Variants in ZNF835 observed in about 807,000 individuals in gnomAD.
ZNF835 encodes the protein zinc finger protein 835.
For missense variants in ZNF835, 783 were observed against 758.4 expected, an observed-to-expected ratio of 1.03 and a Z score of -0.38; for synonymous variants, 323 against 324.7, an observed-to-expected ratio of 0.99 and a Z score of 0.06.
chr19:56,664,514 T>C lies in ZNF835; in HGVS notation c.685A>G (p.Lys229Glu). ...AGGGACGAGCGGTTGCGGAACGCCT[T>C]GGCGCACTGGGCGCACGCGTAGGGC... is the stretch of plus-strand genomic sequence containing the variant. The part of the protein sequence containing the change: ...ERPYACAQCA[K>E]AFRNRSSLIE... Residue 229 changes from lysine to glutamate, a missense_variant, in exon 2 of 2, where the codon AAG becomes GAG. Coordinates refer to ENST00000537055, the MANE Select transcript of ZNF835 (RefSeq NM_001005850.3). The C allele has an allele frequency of 6.2e-7, 1 of 1,605,746 alleles. No homozygotes were observed. Among genetic ancestry groups the C allele is most frequent in the Non-Finnish European group, 8.5e-7 (1 of 1,176,750 alleles).
Position 56,662,676 on chromosome 19 carries a change from A to C in ZNF835, c.*909T>G, listed in dbSNP as rs188282081. ...GCCAAAGAAACCAAACCTTTTATTC[A>C]CTTTAATTCAATTAAATTTACTGAG... On this transcript the variant is annotated 3_prime_UTR_variant, in exon 2 of 2. Transcript: ENST00000537055. 3.9e-5 allele frequency: 6 copies of C among 152,330 alleles called. No homozygotes were observed. The East Asian group carries it at 1.2e-3, about 29-fold the overall frequency. 9.4% of individuals were successfully genotyped at this position (152,330 alleles called of 1,614,324 possible).
At position 56,664,027 on chromosome 19, in the gene ZNF835, C is replaced by CT. The variant is rs1305629180; in HGVS notation, c.1171dup (p.Arg391LysfsTer120). 1 of 1,603,528 alleles carries CT rather than the reference C, an allele frequency of 6.2e-7. No homozygotes were observed. The highest frequency in any genetic ancestry group is 8.5e-7 in the Non-Finnish European group (1 of 1,176,750). On this transcript the variant is annotated frameshift_variant, in exon 2 of 2. Transcript: ENST00000537055. LOFTEE classifies it low-confidence loss of function (END_TRUNC). Reference sequence around the variant, plus strand: ...GAAGGCGGCCCCGCATTGCAGGCACCTGTAGGGCCGCTCACCGGTGTGCAC... The same window carrying CT: ...GAAGGCGGCCCCGCATTGCAGGCACCTTGTAGGGCCGCTCACCGGTGTGCAC...
chr19:56,666,612 T>G (rs1023829890), intron 1 of ZNF835, among the ~76,000 whole-genome samples: 1 of 152,218 alleles, frequency 6.6e-6, no homozygotes, highest in African/African-American at 2.4e-5. Context: ...ATCTGTGATT[T>G]TTTTTGTAAG....
In ZNF835 at chr19:56,664,099, C is replaced by T; in HGVS notation, c.1100G>A (p.Cys367Tyr). 1 of 1,599,868 alleles carries T rather than the reference C, an allele frequency of 6.3e-7. No individual in the cohort carries two copies. Among genetic ancestry groups the T allele is most frequent in the East Asian group, 2.2e-5 (1 of 44,594 alleles). Residue 367 changes from cysteine (C) to tyrosine (Y), a missense_variant, in exon 2 of 2, where the codon TGC becomes TAC. Cys to Tyr is a radical substitution (Grantham distance 194). Transcript: ENST00000537055. ...TGERPYPCHD[C>Y]GKRFSNRSHL... ...GGAGCGGTTGCTGAAGCGCTTGCCG[C>T]AGTCGTGGCAGGGGTAAGGCCGCTC...
intron 1 of ZNF835, among the ~76,000 whole-genome samples, chr19:56,670,406 A>G (rs1369557122): frequency 1.3e-5 from 2 of 152,142 alleles, no homozygotes; most frequent in South Asian, 2.1e-4. Flanking sequence ...AGACATGCAG[A>G]GACACCCAAA....
Position 56,663,562 on chromosome 19 carries a change from G to A in ZNF835, c.*23C>T. 1 of 1,613,542 alleles carries A rather than the reference G, an allele frequency of 6.2e-7. No individual in the cohort carries two copies. Among genetic ancestry groups the A allele is most frequent in the South Asian group, 1.1e-5 (1 of 91,066 alleles). On this transcript the variant is annotated 3_prime_UTR_variant, in exon 2 of 2. Coordinates refer to ENST00000537055, the MANE Select transcript of ZNF835 (RefSeq NM_001005850.3). ...AGTATCTCCCCCATAGCATTGTGAG[G>A]TTGGAAAGGAGGCCCTCAGCTCTTA...
In ZNF835 at chr19:56,664,064, G is replaced by A. The variant is rs759851375; in HGVS notation, c.1135C>T (p.Gln379Ter). Residue 379 changes from glutamine (Q) to a stop codon, truncating the protein, a stop_gained, in exon 2 of 2, where the codon CAG becomes TAG. Transcript: ENST00000537055. LOFTEE classifies it low-confidence loss of function (END_TRUNC). ...TCACCGGTGTGCACGAGGCGGTGCT[G>A]GAGGAGGTGGGAGCGGTTGCTGAAG... ...KRFSNRSHLL[Q>*]HRLVHTGERP... 1.2e-6 allele frequency: 2 copies of A among 1,611,166 alleles called. No individual in the cohort carries two copies. Among genetic ancestry groups the A allele is most frequent in the African/African-American group, 1.3e-5 (1 of 74,970 alleles).
Position 56,664,433 on chromosome 19 carries a change from C to A in ZNF835, c.766G>T (p.Ala256Ser), listed in dbSNP as rs371751139. 1.2e-6 allele frequency: 2 copies of A among 1,612,672 alleles called. No individual in the cohort carries two copies. The highest frequency in any genetic ancestry group is 1.7e-5 in the Admixed American group (1 of 59,898). Residue 256 changes from alanine to serine, a missense_variant, in exon 2 of 2, where the codon GCC becomes TCC. By Grantham distance (99) the Ala-to-Ser change is moderately conservative (BLOSUM62 1). Transcript: ENST00000537055. Reference protein sequence around the residue: ...GEKPYECSACAKAFRFSSALI... With the variant: ...GEKPYECSACSKAFRFSSALI... Reference sequence around the variant, plus strand: ...GCTGAGGAGAAGCGGAAGGCCTTGGCGCACGCGGAGCACTCGTAGGGCTTC... The same window carrying A: ...GCTGAGGAGAAGCGGAAGGCCTTGGAGCACGCGGAGCACTCGTAGGGCTTC...
At position 56,664,024 on chromosome 19, in the gene ZNF835, C is replaced by T. The variant is rs370904796; in HGVS notation, c.1175G>A (p.Cys392Tyr). Reference sequence around the variant, plus strand: ...GCTGAAGGCGGCCCCGCATTGCAGGCACCTGTAGGGCCGCTCACCGGTGTG... The same window carrying T: ...GCTGAAGGCGGCCCCGCATTGCAGGTACCTGTAGGGCCGCTCACCGGTGTG... ...LVHTGERPYR[C>Y]LQCGAAFSHV... The change falls in exon 2 of 2, where the codon TGC becomes TAC. Residue 392 changes from cysteine (C) to tyrosine (Y), a missense_variant. Transcript: ENST00000537055. 30 of 1,612,164 alleles carry T rather than the reference C, an allele frequency of 1.9e-5. No individual in the cohort carries two copies. Among genetic ancestry groups the T allele is most frequent in the Non-Finnish European group, 2.5e-5 (29 of 1,179,400 alleles).
Position 56,665,340 on chromosome 19 carries a change from G to C in ZNF835, c.-47-95C>G. 5.3e-6 allele frequency: 6 copies of C among 1,138,592 alleles called. No homozygotes were observed. In the South Asian group the frequency reaches 7.5e-5, roughly 14 times the overall value. 70.5% of individuals were successfully genotyped at this position (1,138,592 alleles called of 1,614,324 possible). On this transcript the variant is annotated intron_variant, in intron 1 of 1. Transcript: ENST00000537055. ...GCTGAACTGGTAAGAACTTAGCATGGGGTCCCTGGACCTCTGTGCCAATGA... is the reference window on the plus strand; with the variant it reads ...GCTGAACTGGTAAGAACTTAGCATGCGGTCCCTGGACCTCTGTGCCAATGA...
In ZNF835 at chr19:56,663,914, G is replaced by C. The variant is rs1388204186; in HGVS notation, c.1285C>G (p.Gln429Glu). The C allele has an allele frequency of 1.9e-6, 3 of 1,612,364 alleles. No homozygotes were observed. The East Asian group carries it at 6.7e-5, about 36-fold the overall frequency. ...TGGTGCAGGGCGAGCGAGGAGCCCT[G>C]GCTGAAAGCTTTGCCGCACTCGCCG... ...KCGECGKAFS[Q>E]GSSLALHQRT... Residue 429 changes from glutamine to glutamate, a missense_variant, in exon 2 of 2, where the codon CAG (glutamine) becomes GAG (glutamate). Transcript: ENST00000537055.
In ZNF835 at chr19:56,664,840, C is replaced by G. The variant is rs180842526; in HGVS notation, c.359G>C (p.Ser120Thr). 1.6e-5 allele frequency: 26 copies of G among 1,613,912 alleles called. No individual in the cohort carries two copies. In the African/African-American group the frequency reaches 2.9e-4, roughly 18 times the overall value. Residue 120 changes from serine (S) to threonine (T), a missense_variant, in exon 2 of 2, where the codon AGC (serine) becomes ACC (threonine). By Grantham distance (58) the Ser-to-Thr change is moderately conservative. Coordinates refer to ENST00000537055, the MANE Select transcript of ZNF835 (RefSeq NM_001005850.3). The stretch of plus-strand genomic sequence containing the variant: ...GTGTAAGATGAACGCTGAACAGTAG[C>G]TGAAGGCCTTCCCGCAGTCCCCGCA... ...WKCGDCGKAFSYCSAFILHQR... is the reference protein window; with the variant it reads ...WKCGDCGKAFTYCSAFILHQR...
At chr19:56,666,372 G>C (rs1484352677) in intron 1 of ZNF835, among the ~76,000 whole-genome samples, 3 of 152,224 alleles carry the variant, frequency 2.0e-5, no homozygotes, top group Admixed American at 6.5e-5. Context: ...CTCCCAAAGT[G>C]CTGGGATTAC....
rs773684273 is a variant in ZNF835 at position 56,664,437 on chromosome 19, C to G, written c.762G>C (p.Ala254=). ...AGGAGAAGCGGAAGGCCTTGGCGCA[C>G]GCGGAGCACTCGTAGGGCTTCTCAC... The part of the protein sequence containing the change: ...HTGEKPYECS[A]CAKAFRFSSA... The change falls in exon 2 of 2, where the codon GCG becomes GCC. Residue 254 remains alanine, a synonymous_variant. Coordinates refer to ENST00000537055, the MANE Select transcript of ZNF835 (RefSeq NM_001005850.3). 1.6e-5 allele frequency: 25 copies of G among 1,610,844 alleles called. No homozygotes were observed. Among genetic ancestry groups the G allele is most frequent in the Admixed American group, 1.7e-5 (1 of 59,718 alleles).
Position 56,665,133 on chromosome 19 carries a change from G to A in ZNF835, c.66C>T (p.Gly22=). 6.2e-7 allele frequency: 1 copy of A among 1,614,048 alleles called. No individual in the cohort carries two copies. Among genetic ancestry groups the A allele is most frequent in the Non-Finnish European group, 8.5e-7 (1 of 1,179,906 alleles). ...GGTTTTCCTGCAGGTCCTCAACCTG[G>A]CCCTCGTGTTTCCAGTTTCCTTCCA... The part of the protein sequence containing the change: ...AELEGNWKHE[G]QVEDLQENQE... The change falls in exon 2 of 2, where the codon GGC becomes GGT. Residue 22 remains glycine, a synonymous_variant. Transcript: ENST00000537055.
rs777622970 is a variant in ZNF835 at position 56,664,504 on chromosome 19, C to A, written c.695G>T (p.Arg232Leu). The A allele has an allele frequency of 1.9e-6, 3 of 1,608,368 alleles. No individual in the cohort carries two copies. Among genetic ancestry groups the A allele is most frequent in the African/African-American group, 1.4e-5 (1 of 73,472 alleles). ...YACAQCAKAF[R>L]NRSSLIEHQR... ...GTGCTCTATCAGGGACGAGCGGTTGCGGAACGCCTTGGCGCACTGGGCGCA... is the reference window on the plus strand; with the variant it reads ...GTGCTCTATCAGGGACGAGCGGTTGAGGAACGCCTTGGCGCACTGGGCGCA... Residue 232 changes from arginine (R) to leucine (L), a missense_variant, in exon 2 of 2, where the codon CGC becomes CTC. By Grantham distance (102) the Arg-to-Leu change is moderately radical (BLOSUM62 -2). Transcript: ENST00000537055.
At chr19:56,665,913 A>G (rs2045241006) in intron 1 of ZNF835, among the ~76,000 whole-genome samples, 1 of 152,122 alleles carries the variant, frequency 6.6e-6, no homozygotes, top group South Asian at 2.1e-4. Flanking sequence ...AATTTAAAAG[A>G]TCCCTGAAAA....
intron 1 of ZNF835, chr19:56,665,481 A>G: frequency 1.5e-6 from 1 of 669,646 alleles, no homozygotes; most frequent in Non-Finnish European, 2.8e-6. Context: ...TCAACCCCTG[A>G]GTTGTAACAA....
rs1205648486 is a variant in ZNF835 at position 56,663,768 on chromosome 19, G to T, written c.1431C>A (p.Ser477Arg). The change falls in exon 2 of 2, where the codon AGC becomes AGA. Residue 477 changes from serine to arginine, a missense_variant. By Grantham distance (110) the Ser-to-Arg change is moderately radical. Transcript: ENST00000537055. The part of the protein sequence containing the change: ...VHTGEKPYEC[S>R]GCGKAFSFSS... ...AGAAGCTGAAGGCCTTCCCGCAGCC[G>T]CTGCACTCGTAGGGCTTCTCCCCGG... 6.2e-7 allele frequency: 1 copy of T among 1,613,960 alleles called. No homozygotes were observed. The highest frequency in any genetic ancestry group is 8.5e-7 in the Non-Finnish European group (1 of 1,179,912).
Sources: gnomAD v4.1 joint callset for allele counts (sites outside exome capture counted in the v4.1 genomes callset) on GRCh38, gnomAD v4.1.1 for gene constraint, MANE v1.5 for transcripts, NCBI Gene and HGNC (gene_info 2026-07-23, HGNC 2026-07-21) for gene names.